Variants in CLGN observed in about 807,000 individuals in gnomAD.
CLGN encodes testis tissue sperm-binding protein Li 79P.
A neutral mutation model predicts 79.1 loss-of-function variants in CLGN; 62 were observed. The observed-to-expected ratio is 0.78, with a 90% CI of 0.64 to 0.97. The LOEUF is 0.97. CLGN is among the 50% of genes least tolerant of loss of function. The pLI is 0.00. For missense variants in CLGN, 647 were observed against 715.5 expected, an observed-to-expected ratio of 0.90 and a Z score of 1.09; for synonymous variants, 225 against 224.7, an observed-to-expected ratio of 1.00 and a Z score of -0.01.
rs1271072316 is a variant in CLGN, at chr4:140,392,321, C to T, written c.1549G>A (p.Gly517Arg). The T allele has an allele frequency of 1.9e-6, 3 of 1,613,038 alleles. No homozygotes were observed. Among genetic ancestry groups the T allele is most frequent in the Non-Finnish European group, 2.5e-6 (3 of 1,179,396 alleles). ...TCCTTTTCTTCTTGCTCTAGTACTC[C>T]TTTTGTTTGTGGTATACATATGTCG... ...KTDICIPQTK[G>R]VLEQEEKEEK... Residue 517 changes from glycine (G) to arginine (R), a missense_variant, in exon 13 of 15, where the codon GGA becomes AGA. Transcript: ENST00000325617.
intron 1 of CLGN, among the ~76,000 whole-genome samples, chr4:140,417,712 A>G (rs1474366009): frequency 6.6e-6 from 1 of 152,070 alleles, no homozygotes; most frequent in African/African-American, 2.4e-5. Context: ...GGACACAAAC[A>G]AATGGAAGAA....
In CLGN at chr4:140,393,826, C is replaced by T; in HGVS notation, c.1365G>A (p.Lys455=). ...CTACTGCTATTGGTCAACACCATACCTTATTAGCATTTGCTATCATTATTT... is the reference window on the plus strand; with the variant it reads ...CTACTGCTATTGGTCAACACCATACTTTATTAGCATTTGCTATCATTATTT... ...RWKIMIANAN[K]PGVLKQLMAA... Residue 455 remains lysine (K), a splice_region_variant and synonymous_variant, in exon 11 of 15, where the codon AAG becomes AAA. Transcript: ENST00000325617. 6.2e-7 allele frequency: 1 copy of T among 1,613,052 alleles called. No individual in the cohort carries two copies. The highest frequency in any genetic ancestry group is 8.5e-7 in the Non-Finnish European group (1 of 1,179,346).
chr4:140,392,779 C>A (rs961561099), intron 11 of CLGN, 68 bp from the exon 12 acceptor site: 146 of 1,411,878 alleles, frequency 1.0e-4, no homozygotes, highest in Non-Finnish European at 1.3e-4. Context: ...ACACAAGATA[C>A]AAAAAAACTT....
Position 140,400,533 on chromosome 4 carries a change from TTA to T in CLGN, c.516_517del (p.Asp172GlufsTer12). ...TCCAAACATAATGATATAGGATGTT[TTA>T]TCATAAAAGTTTTCCTTCAAAGAGA... On this transcript the variant is annotated frameshift_variant, in exon 7 of 15. Transcript: ENST00000325617. LOFTEE classifies it high-confidence loss of function. 1.3e-6 allele frequency: 2 copies of T among 1,590,356 alleles called. No homozygotes were observed. Among genetic ancestry groups the T allele is most frequent in the Non-Finnish European group, 1.7e-6 (2 of 1,165,604 alleles).
chr4:140,414,219 C>G (rs1053865451), intron 1 of CLGN, among the ~76,000 whole-genome samples: 20 of 152,086 alleles, frequency 1.3e-4, no homozygotes, highest in Admixed American at 1.2e-3. Context: ...TCATCAAAGA[C>G]CAAAAGTAGA....
At chr4:140,414,535 G>A (rs1192833621) in intron 1 of CLGN, among the ~76,000 whole-genome samples, 58 of 150,428 alleles carry the variant, frequency 3.9e-4, no homozygotes, top group African/African-American at 1.4e-3. Context: ...ACCAAGGCTC[G>A]AGAACTACGT....
At chr4:140,419,428 A>G (rs1279334659) in intron 1 of CLGN, among the ~76,000 whole-genome samples, 1 of 152,166 alleles carries the variant, frequency 6.6e-6, no homozygotes, top group African/African-American at 2.4e-5. Context: ...TAAAAGTATC[A>G]TGATTCCTAA....
intron 14 of CLGN, 117 bp from the exon 15 acceptor site, chr4:140,389,421 T>C (rs1728733496): frequency 1.3e-6 from 1 of 750,474 alleles, no homozygotes; most frequent in Admixed American, 2.4e-5. Flanking sequence ...AGTGCTATTA[T>C]GAAGGTATTA....
chr4:140,395,114 C>T (rs1448234183), intron 10 of CLGN, among the ~76,000 whole-genome samples: 7 of 151,402 alleles, frequency 4.6e-5, no homozygotes, highest in Non-Finnish European at 8.8e-5. Context: ...GAGGCAGAGG[C>T]TGCAGTGAGC....
chr4:140,406,441 C>T (rs358303), intron 4 of CLGN, among the ~76,000 whole-genome samples: 10,978 of 152,052 alleles, frequency 0.072, 540 homozygotes, highest in African/African-American at 0.14. Context: ...ATTGTATTTT[C>T]AAAATGACAT....
Position 140,392,571 on chromosome 4 carries a change from A to T in CLGN, c.1491+15T>A, listed in dbSNP as rs774226368. The T allele has an allele frequency of 6.3e-7, 1 of 1,579,394 alleles. No individual in the cohort carries two copies. Among genetic ancestry groups the T allele is most frequent in the Non-Finnish European group, 8.6e-7 (1 of 1,168,372 alleles). On this transcript the variant is annotated intron_variant, in intron 12 of 14. Transcript: ENST00000325617. ...ATTTGGGTGAAAAAAGTTGAAGGAA[A>T]TCCATTTTCTTTACCTTTACTTTTC...
chr4:140,413,284 T>C (rs1729248571), intron 1 of CLGN, among the ~76,000 whole-genome samples, 197 bp from the exon 2 acceptor site: 1 of 152,202 alleles, frequency 6.6e-6, no homozygotes, highest in African/African-American at 2.4e-5. Flanking sequence ...GGAAACAGAT[T>C]CTATAGCTGC....
chr4:140,394,285 A>G (rs1728829878), intron 10 of CLGN, among the ~76,000 whole-genome samples: 1 of 152,334 alleles, frequency 6.6e-6, no homozygotes, highest in South Asian at 2.1e-4. Context: ...AAAATCCAAC[A>G]TAAACAGAAA....
At position 140,392,730 on chromosome 4, in the gene CLGN, T is replaced by C. The variant is rs1000594790; in HGVS notation, c.1366-19A>G. On this transcript the variant is annotated intron_variant, in intron 11 of 14. Coordinates refer to ENST00000325617, the MANE Select transcript of CLGN (RefSeq NM_004362.3). ...CACCAGGCTATAGACGAGATAAGCA[T>C]AAAAATGCAATTCAAATTTTACAAA... 1.6e-5 allele frequency: 25 copies of C among 1,543,692 alleles called. No individual in the cohort carries two copies. The highest frequency in any genetic ancestry group is 2.5e-5 in the South Asian group (2 of 80,278).
rs1344856705 is a variant in CLGN, at chr4:140,417,237, C to T, written c.-9-4150G>A. Among the ~76,000 whole-genome samples, 21 of 132,720 alleles carry T rather than the reference C, an allele frequency of 1.6e-4. No homozygotes were observed. The East Asian group carries it at 4.6e-3, about 29-fold the overall frequency. 87.1% of individuals were successfully genotyped at this position (132,720 alleles called of 152,430 possible). A position where few individuals can be genotyped will look rare whatever the true frequency, so the allele number is the denominator to read the frequency against. The stretch of plus-strand genomic sequence containing the variant: ...GAGCTATCTATGACAAACCCACAGC[C>T]AATATCATACTGAATGGGCAAAAAC... On this transcript the variant is annotated intron_variant, in intron 1 of 14. Transcript: ENST00000325617.
At chr4:140,426,376 A>G (rs1212506492) in intron 1 of CLGN, among the ~76,000 whole-genome samples, 1 of 152,270 alleles carries the variant, frequency 6.6e-6, no homozygotes, top group African/African-American at 2.4e-5. Flanking sequence ...ATGCATCAAC[A>G]TACTTACATC....
At chr4:140,396,326 C>T (rs1728873428) in intron 8 of CLGN, 121 bp from the exon 9 acceptor site, 1 of 835,416 alleles carries the variant, frequency 1.2e-6, no homozygotes, top group Non-Finnish European at 1.9e-6. Context: ...TATTTGTCCT[C>T]ATCTACTACC....
chr4:140,409,845 AT>A lies in CLGN; in HGVS notation c.268del (p.Ile90TyrfsTer11). The A allele has an allele frequency of 6.3e-7, 1 of 1,590,560 alleles. No individual in the cohort carries two copies. The highest frequency in any genetic ancestry group is 1.1e-5 in the South Asian group (1 of 89,650). Reference protein sequence around the residue: ...KKDDMDEEISIYDGRWEIEEL... With the variant: ...KKDDMDEEISXYDGRWEIEEL... Reference sequence around the variant, plus strand: ...TTAAATAAATATTTTACCATCGTATATTGAAATTTCCTCATCCATGTCATCT... The same window carrying A: ...TTAAATAAATATTTTACCATCGTATATGAAATTTCCTCATCCATGTCATCT... On this transcript the variant is annotated frameshift_variant, in exon 4 of 15. Coordinates refer to ENST00000325617, the MANE Select transcript of CLGN (RefSeq NM_004362.3). LOFTEE classifies it high-confidence loss of function.
At chr4:140,418,795 C>T (rs1010494673) in intron 1 of CLGN, among the ~76,000 whole-genome samples, 28 of 150,770 alleles carry the variant, frequency 1.9e-4, no homozygotes, top group East Asian at 1.2e-3. Flanking sequence ...GTCAGTGTGG[C>T]GATTCCTCAG....
Sources: allele counts gnomAD v4.1 joint callset (sites outside exome capture counted in the v4.1 genomes callset), GRCh38; gene constraint gnomAD v4.1.1; transcripts MANE v1.5; gene names NCBI Gene and HGNC (gene_info 2026-07-23, HGNC 2026-07-21).